Variants in MED13L observed in about 807,000 individuals in gnomAD.
MED13L encodes mediator of RNA polymerase II transcription subunit 13-like.
In MED13L, 7 loss-of-function variants were observed where a neutral mutation model predicts 220.9. The ratio of observed to expected loss-of-function variants is 0.03; its 90% CI spans 0.02 to 0.06. The LOEUF (loss-of-function observed/expected upper bound fraction) is 0.06. Among genes scored for constraint, MED13L ranks in the 10% least tolerant of loss-of-function variants. The pLI, the probability that MED13L is intolerant of heterozygous loss-of-function variation, is 1.00. For missense variants in MED13L, 1,965 were observed against 2,760.5 expected, an observed-to-expected ratio of 0.71 and a Z score of 6.46; for synonymous variants, 1,011 against 1,015.2, an observed-to-expected ratio of 1.00 and a Z score of 0.08.
chr12:116,108,193 A>G (rs546789162), intron 3 of MED13L, among the ~76,000 whole-genome samples: 7 of 152,318 alleles, frequency 4.6e-5, no homozygotes, highest in Admixed American at 1.3e-4. Flanking sequence ...ATGAAAAGGC[A>G]TAACAGAAAA....
intron 2 of MED13L, among the ~76,000 whole-genome samples, chr12:116,172,972 G>A (rs140968233): frequency 4.1e-4 from 57 of 140,218 alleles, no homozygotes; most frequent in African/African-American, 1.4e-3. Context: ...CTATACAACA[G>A]ATAAAAGTTG....
In MED13L at chr12:116,184,783, C is replaced by T. The variant is rs1880766918; in HGVS notation, c.310+52685G>A. ...ATTAACTATTTATCACTTGAATTGG[C>T]ATTCTCAGTTTTACAAGAGAACCAA... is the stretch of plus-strand genomic sequence containing the variant. On this transcript the variant is annotated intron_variant, in intron 2 of 30. Transcript: ENST00000281928. Among the ~76,000 whole-genome samples the T allele has an allele frequency of 1.3e-5, 2 of 152,158 alleles. 1 individual carries two copies. The highest frequency in any genetic ancestry group is 4.1e-4 in the South Asian group (2 of 4,830).
At chr12:116,266,400 G>A (rs1363534086) in intron 1 of MED13L, among the ~76,000 whole-genome samples, 1 of 152,166 alleles carries the variant, frequency 6.6e-6, no homozygotes, top group Non-Finnish European at 1.5e-5. Context: ...CCACAAGCAG[G>A]GAAAGGAAAA....
chr12:115,999,373 A>T (rs951402872), intron 14 of MED13L, among the ~76,000 whole-genome samples: 1 of 152,144 alleles, frequency 6.6e-6, no homozygotes, highest in African/African-American at 2.4e-5. Flanking sequence ...CCTCGGTGAA[A>T]GAGAAAGACT....
chr12:116,244,946 A>C (rs1870972952), intron 1 of MED13L, among the ~76,000 whole-genome samples: 2 of 152,166 alleles, frequency 1.3e-5, no homozygotes, highest in Non-Finnish European at 1.5e-5. Flanking sequence ...AGTGAGACCC[A>C]ATCACAAAAT....
chr12:116,158,212 C>A (rs1169806201), intron 2 of MED13L, among the ~76,000 whole-genome samples: 1 of 150,222 alleles, frequency 6.7e-6, no homozygotes, highest in Non-Finnish European at 1.5e-5. Flanking sequence ...TACTGCAAGA[C>A]AAGGCAAGAG....
chr12:116,127,397 G>A (rs1372021463), intron 2 of MED13L, among the ~76,000 whole-genome samples: 2 of 152,068 alleles, frequency 1.3e-5, no homozygotes, highest in Admixed American at 6.5e-5. Flanking sequence ...TCAGATGTGT[G>A]CTTAAATATC....
At chr12:116,055,895 C>CAA (rs759636960) in intron 4 of MED13L, among the ~76,000 whole-genome samples, 3 of 130,168 alleles carry the variant, frequency 2.3e-5, no homozygotes, top group African/African-American at 8.5e-5. Flanking sequence ...TCCCCGTCTC[C>CAA]AAAAAAAAAA....
At chr12:115,961,652 C>T (rs1413168789) in intron 30 of MED13L, 1 of 524,596 alleles carries the variant, frequency 1.9e-6, no homozygotes, top group African/African-American at 1.9e-5. Context: ...GCGTGGACTG[C>T]AGGTAAAGTA....
intron 4 of MED13L, among the ~76,000 whole-genome samples, chr12:116,096,014 CATTTCTTCACT>C (rs1872605236): frequency 6.6e-6 from 1 of 151,978 alleles, no homozygotes; most frequent in Non-Finnish European, 1.5e-5. Context: ...AAATTGTCAC[CATTTCTTCACT>C]GTTTTTAAAC....
At chr12:116,056,327 G>C (rs969310734) in intron 4 of MED13L, among the ~76,000 whole-genome samples, 2 of 151,440 alleles carry the variant, frequency 1.3e-5, no homozygotes, top group African/African-American at 4.9e-5. Context: ...AGTCAGGCTA[G>C]AGTGCAGTGG....
chr12:116,267,683 T>C (rs541775527), intron 1 of MED13L, among the ~76,000 whole-genome samples: 27 of 152,200 alleles, frequency 1.8e-4, no homozygotes, highest in African/African-American at 3.4e-4. Flanking sequence ...ACTGGGCTCA[T>C]AGAAAACAAT....
chr12:116,157,929 T>C (rs1179376455), intron 2 of MED13L, among the ~76,000 whole-genome samples: 2 of 152,142 alleles, frequency 1.3e-5, no homozygotes, highest in Non-Finnish European at 1.5e-5. Context: ...AAAGAGGCAA[T>C]GATTACATAT....
At chr12:116,119,465 A>T (rs1248610081) in intron 2 of MED13L, among the ~76,000 whole-genome samples, 1 of 152,116 alleles carries the variant, frequency 6.6e-6, no homozygotes, top group Non-Finnish European at 1.5e-5. Context: ...ATATTCTTTT[A>T]ATCAACTCCT....
intron 2 of MED13L, among the ~76,000 whole-genome samples, chr12:116,226,795 G>A (rs1166460406): frequency 1.3e-5 from 2 of 151,446 alleles, no homozygotes; most frequent in Middle Eastern, 3.2e-3. Context: ...CTCGAACTCC[G>A]GACGTGGAGG....
chr12:115,990,514 A>G (rs531888646), intron 17 of MED13L, among the ~76,000 whole-genome samples: 1 of 152,350 alleles, frequency 6.6e-6, no homozygotes, highest in African/African-American at 2.4e-5. Context: ...TGGAGCTTTT[A>G]ATAATACAAC....
At chr12:116,274,970 T>C (rs1873689713) in intron 1 of MED13L, among the ~76,000 whole-genome samples, 1 of 151,138 alleles carries the variant, frequency 6.6e-6, no homozygotes, top group African/African-American at 2.4e-5. Flanking sequence ...CTCTGTAACG[T>C]TATCATCCTT....
chr12:115,968,892 C>T (rs1876383002), intron 28 of MED13L, 48 bp downstream of exon 28: 2 of 1,605,022 alleles, frequency 1.2e-6, no homozygotes, highest in Non-Finnish European at 1.7e-6. Flanking sequence ...GGATTATCTT[C>T]CTAAAGGCTA....
chr12:116,039,078 TACA>T (rs1390639875), intron 4 of MED13L, among the ~76,000 whole-genome samples: 1 of 152,224 alleles, frequency 6.6e-6, no homozygotes, highest in Non-Finnish European at 1.5e-5. Flanking sequence ...GAAGCTAGTA[TACA>T]ACTACTGTAT....
Sources: allele counts gnomAD v4.1 joint callset (sites outside exome capture counted in the v4.1 genomes callset), GRCh38; gene constraint gnomAD v4.1.1; transcripts MANE v1.5; gene names NCBI Gene and HGNC (gene_info 2026-07-23, HGNC 2026-07-21).